The following ADAMTS14 variants were observed in gnomAD, a reference collection of about 807,000 sequenced individuals.
The protein encoded by ADAMTS14 is A disintegrin and metalloproteinase with thrombospondin motifs 14.
A neutral mutation model predicts 128.6 loss-of-function variants in ADAMTS14; 100 were observed. The ratio of observed to expected loss-of-function variants is 0.78; its 90% CI spans 0.66 to 0.92. The LOEUF (loss-of-function observed/expected upper bound fraction) is 0.92, where lower values mean the gene tolerates loss of function less well. Among genes scored for constraint, ADAMTS14 ranks in the 40% least tolerant of loss-of-function variants. The probability of loss-of-function intolerance (pLI) is 0.00; values close to 1 mark genes in which losing one functional copy is unlikely to be tolerated. For synonymous variants in ADAMTS14, 665 were observed against 653.8 expected (o/e 1.02, Z -0.26); for missense variants, 1,562 against 1,658.6 (o/e 0.94, Z 1.01).
chr10:70,717,868 G>A (rs1564535773), intron 4 of ADAMTS14, among the ~76,000 whole-genome samples: 1 of 152,158 alleles, frequency 6.6e-6, no homozygotes, highest in Non-Finnish European at 1.5e-5. Context: ...ATAGATGTTG[G>A]GGTGGTTGCC....
intron 2 of ADAMTS14, among the ~76,000 whole-genome samples, chr10:70,700,140 C>T (rs930173951): frequency 6.6e-6 from 1 of 152,060 alleles, no homozygotes; most frequent in African/African-American, 2.4e-5. Context: ...GAGCCACCAG[C>T]TGGAAGACAG....
chr10:70,737,959 T>C (rs139570387), intron 10 of ADAMTS14, among the ~76,000 whole-genome samples: 1 of 152,346 alleles, frequency 6.6e-6, no homozygotes, highest in East Asian at 1.9e-4. Flanking sequence ...GTCATCGCAT[T>C]GCATACTTGA....
intron 9 of ADAMTS14, 69 bp downstream of exon 9, chr10:70,735,370 A>G (rs547019188): frequency 1.9e-6 from 3 of 1,569,436 alleles, no homozygotes; most frequent in Non-Finnish European, 2.6e-6. Context: ...GCCCATGCTG[A>G]CCATTCATGA....
chr10:70,673,497 G>C (rs1192958270), intron 1 of ADAMTS14, among the ~76,000 whole-genome samples: 1 of 152,136 alleles, frequency 6.6e-6, no homozygotes, highest in Non-Finnish European at 1.5e-5. Flanking sequence ...TGGTGGCTCT[G>C]AACATGGGGA....
intron 19 of ADAMTS14, among the ~76,000 whole-genome samples, chr10:70,756,134 T>TA (rs1045635327): frequency 6.6e-6 from 1 of 152,152 alleles, no homozygotes; most frequent in Admixed American, 6.5e-5. Flanking sequence ...CAGTATGAAG[T>TA]AAAAAAGCAC....
chr10:70,722,959 G>T (rs562990006), intron 4 of ADAMTS14, among the ~76,000 whole-genome samples: 11 of 152,170 alleles, frequency 7.2e-5, no homozygotes, highest in African/African-American at 2.7e-4. Flanking sequence ...TTCTTCTCAA[G>T]AATTCAGTAT....
chr10:70,705,048 TACAC>T (rs1179094842), intron 3 of ADAMTS14, among the ~76,000 whole-genome samples: 1 of 152,026 alleles, frequency 6.6e-6, no homozygotes, highest in Non-Finnish European at 1.5e-5. Flanking sequence ...AACACACTCA[TACAC>T]ACACATGCTC....
rs748648213 is a variant in ADAMTS14 at position 70,674,520 on chromosome 10, A to T, written c.83-36A>T. Reference sequence around the variant, plus strand: ...CTGACTTCCCCTTACCTCTGAACCGACTGCATTGAAGTGACTCTTTGTTTA... The same window carrying T: ...CTGACTTCCCCTTACCTCTGAACCGTCTGCATTGAAGTGACTCTTTGTTTA... On this transcript the variant is annotated intron_variant, in intron 1 of 21. Coordinates refer to ENST00000373207, the MANE Select transcript of ADAMTS14 (RefSeq NM_080722.4). 7 of 1,584,310 alleles carry T rather than the reference A, an allele frequency of 4.4e-6. No homozygotes were observed. The Admixed American group carries it at 1.2e-4, about 27-fold the overall frequency.
In ADAMTS14 at chr10:70,672,851, G is replaced by C. The variant is rs891855456; in HGVS notation, c.49G>C (p.Ala17Pro). The stretch of plus-strand genomic sequence containing the variant: ...GTCCTACCTGCTGCCTTTGCACTGT[G>C]CGCTCTGCGCCGCCGCGGGCAGCCG... ...LLSYLLPLHC[A>P]LCAAAGSRTP... The change falls in exon 1 of 22, where the codon GCG becomes CCG. Residue 17 changes from alanine to proline, a missense_variant. Ala to Pro is a conservative substitution (Grantham distance 27). Transcript: ENST00000373207. 4.0e-6 allele frequency: 6 copies of C among 1,508,500 alleles called. No homozygotes were observed. The Admixed American group carries it at 1.1e-4, about 27-fold the overall frequency. The allele number at this position is 1,508,500 out of a possible 1,614,324, so 93.4% of individuals were successfully genotyped here.
At chr10:70,672,931 C>A (rs923204910) in intron 1 of ADAMTS14, 47 bp downstream of exon 1, 42 of 1,404,356 alleles carry the variant, frequency 3.0e-5, no homozygotes, top group Non-Finnish European at 3.6e-5. Flanking sequence ...CCGGGGTGCA[C>A]GCGGTCAGGG....
At chr10:70,692,267 C>T (rs559734397) in intron 2 of ADAMTS14, among the ~76,000 whole-genome samples, 7 of 152,208 alleles carry the variant, frequency 4.6e-5, no homozygotes, top group East Asian at 1.9e-4. Context: ...AAGAGCCAGG[C>T]GGAGGAGGGA....
At chr10:70,752,023 G>A (rs1842364538) in intron 17 of ADAMTS14, 72 bp from the exon 18 acceptor site, 5 of 1,555,686 alleles carry the variant, frequency 3.2e-6, no homozygotes, top group East Asian at 2.3e-5. Context: ...CACAGGTACT[G>A]CCCCTGAGGC....
At chr10:70,726,894 G>A (rs937374320) in intron 4 of ADAMTS14, among the ~76,000 whole-genome samples, 2 of 152,230 alleles carry the variant, frequency 1.3e-5, no homozygotes, top group Admixed American at 1.3e-4. Flanking sequence ...AGGAGTTTGG[G>A]AAGGAAGCCC....
rs78662900 is a variant in ADAMTS14, at chr10:70,689,276, G to A, written c.523-13036G>A. ...GTTTGTTTTAAGGCCTGACCCGAAG[G>A]ATGCTTGTTTAGCATGGTTTCATTC... On this transcript the variant is annotated intron_variant, in intron 2 of 21. Transcript: ENST00000373207. 7.5e-4 allele frequency among the ~76,000 whole-genome samples: 109 copies of A among 145,112 alleles called. 9 individuals are homozygous for A. The East Asian group carries it at 0.019, about 25-fold the overall frequency.
chr10:70,696,886 C>T (rs1482634553), intron 2 of ADAMTS14, among the ~76,000 whole-genome samples: 1 of 152,104 alleles, frequency 6.6e-6, no homozygotes, highest in African/African-American at 2.4e-5. Context: ...GAAGCAGCCA[C>T]CCATTGAGGA....
intron 2 of ADAMTS14, among the ~76,000 whole-genome samples, chr10:70,689,517 T>A (rs2132561119): frequency 6.9e-6 from 1 of 145,504 alleles, no homozygotes; most frequent in East Asian, 1.9e-4. Context: ...CCATGGGAAC[T>A]GTGGCTCTGG....
chr10:70,731,219 C>A (rs887564238), intron 6 of ADAMTS14, among the ~76,000 whole-genome samples: 2 of 152,100 alleles, frequency 1.3e-5, no homozygotes, highest in Non-Finnish European at 2.9e-5. Flanking sequence ...CACACAGAGA[C>A]ACTGCATACA....
chr10:70,708,810 G>T (rs756726887), intron 4 of ADAMTS14, 32 bp downstream of exon 4: 6 of 1,241,614 alleles, frequency 4.8e-6, no homozygotes, highest in Admixed American at 2.2e-5. Flanking sequence ...GACTTGGGGG[G>T]AGTGGGGTGG....
chr10:70,702,158 T>C (rs773204304), intron 2 of ADAMTS14, among the ~76,000 whole-genome samples, 154 bp from the exon 3 acceptor site: 2 of 152,184 alleles, frequency 1.3e-5, no homozygotes, highest in Non-Finnish European at 2.9e-5. Flanking sequence ...TCATAGAACA[T>C]CCTGGAATCC....
Sources: allele counts gnomAD v4.1 joint callset (sites outside exome capture counted in the v4.1 genomes callset), GRCh38; gene constraint gnomAD v4.1.1; transcripts MANE v1.5; gene names NCBI Gene and HGNC (gene_info 2026-07-23, HGNC 2026-07-21).